Variants in HEMK2 observed in about 807,000 individuals in gnomAD.
The protein encoded by HEMK2 is HemK methyltransferase 2, ETF1 glutamine and histone H4 lysine.
chr21:28,647,657 A>C, the HEMK2 span, among the ~76,000 whole-genome samples: 1 of 152,154 alleles, frequency 6.6e-6, no homozygotes, highest in Admixed American at 6.5e-5. Context: ...CATTGCCTGT[A>C]AGAATTCCCC....
chr21:28,772,297 G>A, the HEMK2 span, among the ~76,000 whole-genome samples: 1 of 152,192 alleles, frequency 6.6e-6, no homozygotes, highest in Non-Finnish European at 1.5e-5. Context: ...GGACTCACAT[G>A]TAAACTTTGA....
the HEMK2 span, among the ~76,000 whole-genome samples, chr21:28,801,822 G>C: frequency 4.5e-3 from 686 of 152,200 alleles, 7 homozygotes; most frequent in African/African-American, 0.016. Flanking sequence ...CTTATAAGAA[G>C]AGAAAGGCAA....
At chr21:28,689,405 T>C in the HEMK2 span, among the ~76,000 whole-genome samples, 1 of 152,168 alleles carries the variant, frequency 6.6e-6, no homozygotes, top group Non-Finnish European at 1.5e-5. Flanking sequence ...AAAAAAATAA[T>C]TTTCTTTTTT....
At chr21:28,640,279 G>A in the HEMK2 span, among the ~76,000 whole-genome samples, 1 of 152,162 alleles carries the variant, frequency 6.6e-6, no homozygotes, top group Non-Finnish European at 1.5e-5. Context: ...CAGTGCTCTG[G>A]GGAGATGGAG....
chr21:28,835,691 G>A, the HEMK2 span, among the ~76,000 whole-genome samples: 2 of 152,248 alleles, frequency 1.3e-5, no homozygotes, highest in Non-Finnish European at 2.9e-5. Flanking sequence ...AAGCTAATAA[G>A]GGAGGGACCA....
the HEMK2 span, among the ~76,000 whole-genome samples, chr21:28,785,880 C>T: frequency 3.9e-5 from 6 of 152,312 alleles, no homozygotes; most frequent in East Asian, 1.9e-4. Context: ...TCTAAAAGGA[C>T]GCCTGACTCA....
the HEMK2 span, among the ~76,000 whole-genome samples, chr21:28,652,653 C>T: frequency 1.9e-4 from 29 of 152,140 alleles, no homozygotes; most frequent in Non-Finnish European, 3.7e-4. Context: ...CACCTGAAAC[C>T]CACTTTACCC....
chr21:28,878,756 T>C, the HEMK2 span, among the ~76,000 whole-genome samples: 1 of 151,648 alleles, frequency 6.6e-6, no homozygotes, highest in Non-Finnish European at 1.5e-5. Context: ...TTGAGAGACA[T>C]GGGTAGCTTT....
At chr21:28,814,855 T>C in the HEMK2 span, among the ~76,000 whole-genome samples, 2 of 152,138 alleles carry the variant, frequency 1.3e-5, no homozygotes, top group Non-Finnish European at 2.9e-5. Context: ...AGAAATTCCA[T>C]TTGACCCAGC....
the HEMK2 span, among the ~76,000 whole-genome samples, chr21:28,739,823 T>C: frequency 0.023 from 3,477 of 152,314 alleles, 128 homozygotes; most frequent in African/African-American, 0.078. Flanking sequence ...AGCACAGTTC[T>C]AGAAGCCAGG....
chr21:28,843,152 C>G, the HEMK2 span, among the ~76,000 whole-genome samples: 65 of 152,230 alleles, frequency 4.3e-4, no homozygotes, highest in African/African-American at 1.5e-3. Context: ...GGTTTCAACA[C>G]GCGTTTTGTA....
chr21:28,682,620 C>G, the HEMK2 span, among the ~76,000 whole-genome samples: 1 of 152,132 alleles, frequency 6.6e-6, no homozygotes, highest in Admixed American at 6.5e-5. Context: ...TATTGTGGCA[C>G]TATTCACAAT....
chr21:28,812,088 G>A, the HEMK2 span, among the ~76,000 whole-genome samples: 13,065 of 152,150 alleles, frequency 0.086, 1,320 homozygotes, highest in African/African-American at 0.23. Flanking sequence ...ATATTTTTAG[G>A]AAGATAGAAA....
At chr21:28,601,837 A>G in the HEMK2 span, among the ~76,000 whole-genome samples, 15 of 152,202 alleles carry the variant, frequency 9.9e-5, no homozygotes, top group African/African-American at 3.6e-4. Flanking sequence ...AAAGCAATGG[A>G]AAGTGTTACA....
chr21:28,598,607 T>G, the HEMK2 span, among the ~76,000 whole-genome samples: 4 of 152,168 alleles, frequency 2.6e-5, no homozygotes, highest in South Asian at 2.1e-4. Flanking sequence ...TGTGTATCCT[T>G]TTACTGTAAG....
chr21:28,742,252 G>C, the HEMK2 span, among the ~76,000 whole-genome samples: 9 of 151,978 alleles, frequency 5.9e-5, no homozygotes, highest in Admixed American at 4.6e-4. Context: ...CCCTGGTTTA[G>C]AGTTTTACAT....
At chr21:28,858,343 C>T in the HEMK2 span, among the ~76,000 whole-genome samples, 1 of 152,250 alleles carries the variant, frequency 6.6e-6, no homozygotes, top group Non-Finnish European at 1.5e-5. Context: ...CTTTCTCCTC[C>T]CCAACTTCAT....
At chr21:28,590,159 G>T in the HEMK2 span, among the ~76,000 whole-genome samples, 6 of 152,062 alleles carry the variant, frequency 3.9e-5, no homozygotes, top group Non-Finnish European at 8.8e-5. Flanking sequence ...TTGCTCTTTG[G>T]CATAAAGATA....
the HEMK2 span, among the ~76,000 whole-genome samples, chr21:28,789,210 T>A: frequency 6.6e-6 from 1 of 152,184 alleles, no homozygotes; most frequent in Non-Finnish European, 1.5e-5. Flanking sequence ...ATTGGCAGTA[T>A]TTTTATCTTC....
Sources: gnomAD v4.1 joint callset for allele counts (sites outside exome capture counted in the v4.1 genomes callset) on GRCh38, gnomAD v4.1.1 for gene constraint, MANE v1.5 for transcripts, NCBI Gene and HGNC (gene_info 2026-07-23, HGNC 2026-07-21) for gene names.